BCAT1: variants seen among roughly 807,000 people sequenced by gnomAD.
BCAT1 encodes branched chain amino acid transaminase 1.
BCAT1 carries 48 observed loss-of-function variants against 52.4 expected under a neutral mutation model. The observed-to-expected ratio is 0.92, with a 90% CI of 0.73 to 1.16. The LOEUF is 1.16. BCAT1 is among the 50% of genes most tolerant of loss of function. The pLI is 0.00. For missense variants in BCAT1, 451 were observed against 457.1 expected (o/e 0.99, Z 0.12); for synonymous variants, 167 against 161.3 (o/e 1.04, Z -0.27).
chr12:24,884,325 G>A (rs575986999), intron 3 of BCAT1, among the ~76,000 whole-genome samples: 51 of 152,280 alleles, frequency 3.3e-4, no homozygotes, highest in Non-Finnish European at 6.5e-4. Context: ...GTAGAATGGT[G>A]GTTACCAGAG....
Position 24,855,869 on chromosome 12 carries a change from C to T in BCAT1, c.511-5920G>A, listed in dbSNP as rs117860574. Among the ~76,000 whole-genome samples the T allele has an allele frequency of 1.7e-3, 253 of 151,812 alleles. 5 individuals carry two copies. The East Asian group carries it at 0.029, about 17-fold the overall frequency. On this transcript the variant is annotated intron_variant, in intron 5 of 10. Coordinates refer to ENST00000261192, the MANE Select transcript of BCAT1 (RefSeq NM_005504.7). ...TCTTGAAATCCTGGCCTCAAGTTAC[C>T]CTCCTTCTTCAGCCTTTCAAAGTGC...
rs1459928416 is a variant in BCAT1 at position 24,812,355 on chromosome 12, T to G, written c.*5653A>C. 6.6e-6 allele frequency: 1 copy of G among 152,080 alleles called. No homozygotes were observed. Among genetic ancestry groups the G allele is most frequent in the Non-Finnish European group, 1.5e-5 (1 of 67,934 alleles). 9.4% of individuals were successfully genotyped at this position (152,080 alleles called of 1,614,324 possible). ...CAATCTACTTCTTGTCTAAACTTATTATTTTATTTGGCCTCAAGAAGCTTC... is the reference window on the plus strand; with the variant it reads ...CAATCTACTTCTTGTCTAAACTTATGATTTTATTTGGCCTCAAGAAGCTTC... On this transcript the variant is annotated 3_prime_UTR_variant, in exon 11 of 11. Transcript: ENST00000261192.
chr12:24,909,145 C>T (rs888699013), intron 1 of BCAT1, among the ~76,000 whole-genome samples: 8 of 151,860 alleles, frequency 5.3e-5, no homozygotes, highest in African/African-American at 1.7e-4. Context: ...AAATATACAT[C>T]TAGTGTTTCT....
chr12:24,924,258 C>G (rs1353668336), intron 1 of BCAT1, among the ~76,000 whole-genome samples: 1 of 152,032 alleles, frequency 6.6e-6, no homozygotes, highest in African/African-American at 2.4e-5. Flanking sequence ...AAAGAGAACC[C>G]CTTCTTTACA....
At chr12:24,839,764 T>G (rs1208938545) in intron 7 of BCAT1, among the ~76,000 whole-genome samples, 1 of 152,216 alleles carries the variant, frequency 6.6e-6, no homozygotes, top group Admixed American at 6.5e-5. Context: ...GAACTCTGTT[T>G]ATACCTCCTA....
chr12:24,929,596 T>TA (rs1171230112), intron 1 of BCAT1, among the ~76,000 whole-genome samples: 2 of 152,210 alleles, frequency 1.3e-5, no homozygotes, highest in Non-Finnish European at 2.9e-5. Flanking sequence ...ATTGGACAGG[T>TA]AGACCTTGTC....
intron 10 of BCAT1, among the ~76,000 whole-genome samples, chr12:24,821,066 A>G (rs1302690020): frequency 6.6e-6 from 1 of 152,160 alleles, no homozygotes; most frequent in East Asian, 1.9e-4. Flanking sequence ...GAGTCACACG[A>G]GGGCAGTCTG....
At chr12:24,836,194 T>A (rs1940916426) in intron 8 of BCAT1, among the ~76,000 whole-genome samples, 1 of 152,228 alleles carries the variant, frequency 6.6e-6, no homozygotes, top group African/African-American at 2.4e-5. Flanking sequence ...AAGGAATGTC[T>A]GGATGGAAGC....
intron 5 of BCAT1, among the ~76,000 whole-genome samples, chr12:24,866,585 A>G (rs1942021152): frequency 6.6e-6 from 1 of 152,186 alleles, no homozygotes; most frequent in Admixed American, 6.5e-5. Flanking sequence ...GGACTTGGAG[A>G]ATCTTTACGT....
chr12:24,923,467 T>G (rs1452938337), intron 1 of BCAT1, among the ~76,000 whole-genome samples: 2 of 152,152 alleles, frequency 1.3e-5, no homozygotes, highest in African/African-American at 2.4e-5. Flanking sequence ...CAGGCTGGAG[T>G]GCAGTGGCAC....
chr12:24,816,865 G>A lies in BCAT1; in HGVS notation c.*1143C>T, dbSNP rs972966157. 1.3e-5 allele frequency: 4 copies of A among 312,248 alleles called. No homozygotes were observed. In the East Asian group the frequency reaches 1.9e-4, roughly 15 times the overall value. The allele number at this position is 312,248 out of a possible 1,614,324, so 19.3% of individuals were successfully genotyped here. ...CCCTTGCATGCAGAGTTCACAATAG[G>A]ATTTGTGCTCCTATGAGAATCTAAT... On this transcript the variant is annotated 3_prime_UTR_variant, in exon 11 of 11. Transcript: ENST00000261192.
At chr12:24,842,004 CT>C in intron 7 of BCAT1, 77 bp downstream of exon 7, 1 of 1,512,066 alleles carries the variant, frequency 6.6e-7, no homozygotes. Context: ...CTCCCTTGTA[CT>C]AAGTTTCTAG....
At chr12:24,917,260 G>C (rs1039025294) in intron 1 of BCAT1, among the ~76,000 whole-genome samples, 3 of 138,032 alleles carry the variant, frequency 2.2e-5, no homozygotes, top group African/African-American at 8.2e-5. Flanking sequence ...CTCACTGCAA[G>C]CTCCGTCTTG....
intron 5 of BCAT1, among the ~76,000 whole-genome samples, chr12:24,862,652 A>G (rs965152241): frequency 6.6e-6 from 1 of 152,106 alleles, no homozygotes; most frequent in Admixed American, 6.5e-5. Flanking sequence ...AGCTCCTCCT[A>G]TAGCCTGTTG....
chr12:24,910,270 G>A (rs1054775599), intron 1 of BCAT1, among the ~76,000 whole-genome samples: 35 of 151,856 alleles, frequency 2.3e-4, no homozygotes, highest in African/African-American at 3.1e-4. Flanking sequence ...CCAGCTCTAC[G>A]GGAGGCTGAG....
chr12:24,894,179 G>T, intron 3 of BCAT1, 96 bp downstream of exon 3: 1 of 1,200,508 alleles, frequency 8.3e-7, no homozygotes, highest in Non-Finnish European at 1.2e-6. Flanking sequence ...ATATGATAAA[G>T]CCCATACTGC....
intron 5 of BCAT1, among the ~76,000 whole-genome samples, chr12:24,859,626 A>C (rs908508531): frequency 3.3e-5 from 5 of 151,824 alleles, no homozygotes; most frequent in Admixed American, 2.0e-4. Context: ...CTCAAAAAAA[A>C]AAAAAAAAAA....
At position 24,878,558 on chromosome 12, in the gene BCAT1, T is replaced by A; in HGVS notation, c.482A>T (p.Tyr161Phe). 6.2e-7 allele frequency: 1 copy of A among 1,612,402 alleles called. No homozygotes were observed. Among genetic ancestry groups the A allele is most frequent in the Middle Eastern group, 1.7e-4 (1 of 6,056 alleles). Residue 161 changes from tyrosine (Y) to phenylalanine (F), a missense_variant, in exon 5 of 11, where the codon TAT becomes TTT. By Grantham distance (22) the Tyr-to-Phe change is conservative (BLOSUM62 3). Coordinates refer to ENST00000261192, the MANE Select transcript of BCAT1 (RefSeq NM_005504.7). The part of the protein sequence containing the change: ...WVPYSTSASL[Y>F]IRPTFIGTEP... ...AGTTCCAATGAATGTAGGACGAATATACAGACTAGCAGATGTTGAATATGG... is the reference window on the plus strand; with the variant it reads ...AGTTCCAATGAATGTAGGACGAATAAACAGACTAGCAGATGTTGAATATGG...
chr12:24,946,019 A>G (rs1302849623), intron 1 of BCAT1, among the ~76,000 whole-genome samples: 1 of 152,170 alleles, frequency 6.6e-6, no homozygotes, highest in Non-Finnish European at 1.5e-5. Context: ...GGTTACCAAC[A>G]CTAAAGGGAA....
Sources: gnomAD v4.1 joint callset for allele counts (sites outside exome capture counted in the v4.1 genomes callset) on GRCh38, gnomAD v4.1.1 for gene constraint, MANE v1.5 for transcripts, NCBI Gene and HGNC (gene_info 2026-07-23, HGNC 2026-07-21) for gene names.